KIAA1958: variants seen among roughly 807,000 people sequenced by gnomAD.
The protein encoded by KIAA1958 is KIAA1958, also known as uncharacterized protein KIAA1958.
In KIAA1958, 14 loss-of-function variants were observed where a neutral mutation model predicts 47.2. The observed-to-expected ratio is 0.30, with a 90% CI of 0.20 to 0.46. The LOEUF is 0.46. Among genes scored for constraint, KIAA1958 ranks in the 20% least tolerant of loss-of-function variants. The pLI, the probability that KIAA1958 is intolerant of heterozygous loss-of-function variation, is 1.00. For synonymous variants in KIAA1958, 354 were observed against 353.3 expected, an observed-to-expected ratio of 1.00 and a Z score of -0.02; for missense variants, 803 against 909.2, an observed-to-expected ratio of 0.88 and a Z score of 1.50.
intron 2 of KIAA1958, among the ~76,000 whole-genome samples, chr9:112,588,908 A>G (rs1835872804): frequency 6.6e-6 from 1 of 151,854 alleles, no homozygotes; most frequent in Non-Finnish European, 1.5e-5. Flanking sequence ...TAACTTTTGG[A>G]GTCCTTAAAT....
At chr9:112,630,143 A>G (rs540156252) in intron 2 of KIAA1958, among the ~76,000 whole-genome samples, 1 of 152,300 alleles carries the variant, frequency 6.6e-6, no homozygotes, top group African/African-American at 2.4e-5. Context: ...AACACAGATC[A>G]TAGGGTAGCA....
At chr9:112,559,873 A>G (rs922334155) in intron 1 of KIAA1958, among the ~76,000 whole-genome samples, 6 of 152,210 alleles carry the variant, frequency 3.9e-5, no homozygotes, top group East Asian at 1.9e-4. Context: ...TTAAAATGTG[A>G]TGGAATAATA....
intron 1 of KIAA1958, among the ~76,000 whole-genome samples, chr9:112,570,261 C>A (rs1032915921): frequency 6.6e-6 from 1 of 152,148 alleles, no homozygotes; most frequent in African/African-American, 2.4e-5. Flanking sequence ...TTGTTGAATT[C>A]TTTTTATTTT....
chr9:112,625,354 G>A (rs1242093879), intron 2 of KIAA1958, among the ~76,000 whole-genome samples: 2 of 152,036 alleles, frequency 1.3e-5, no homozygotes, highest in South Asian at 2.1e-4. Flanking sequence ...GGATCTCACT[G>A]TGTTGCCCAG....
intron 2 of KIAA1958, among the ~76,000 whole-genome samples, chr9:112,599,042 T>G (rs1476667714): frequency 6.6e-6 from 1 of 152,120 alleles, no homozygotes; most frequent in Non-Finnish European, 1.5e-5. Flanking sequence ...GCCACTGCAC[T>G]CTACCCTTGG....
At chr9:112,629,779 A>G (rs188009847) in intron 2 of KIAA1958, among the ~76,000 whole-genome samples, 123 of 152,328 alleles carry the variant, frequency 8.1e-4, no homozygotes, top group South Asian at 4.1e-3. Flanking sequence ...TTGTTGGTAC[A>G]GCCTAAAACT....
At chr9:112,496,746 C>G (rs893275839) in intron 1 of KIAA1958, among the ~76,000 whole-genome samples, 3 of 152,104 alleles carry the variant, frequency 2.0e-5, no homozygotes, top group Admixed American at 1.3e-4. Context: ...CTCGCGTTCT[C>G]CCCCAGAAGC....
chr9:112,612,248 A>G (rs1385632815), intron 2 of KIAA1958, among the ~76,000 whole-genome samples: 2 of 150,410 alleles, frequency 1.3e-5, no homozygotes, highest in Non-Finnish European at 3.0e-5. Flanking sequence ...ATCTCTAACA[A>G]AAAAAAAACA....
At chr9:112,635,219 TG>T (rs1836784737) in intron 2 of KIAA1958, among the ~76,000 whole-genome samples, 1 of 16,348 alleles carries the variant, frequency 6.1e-5, no homozygotes, top group Non-Finnish European at 4.6e-4. Flanking sequence ...TTATTTTGTG[TG>T]TGTGTGTGTG....
chr9:112,552,321 CAG>C (rs1367909961), intron 1 of KIAA1958, among the ~76,000 whole-genome samples: 1 of 152,204 alleles, frequency 6.6e-6, no homozygotes, highest in Non-Finnish European at 1.5e-5. Flanking sequence ...GGTGGACTGA[CAG>C]AGGATTAAGA....
chr9:112,582,268 T>G (rs1835749092), intron 2 of KIAA1958, among the ~76,000 whole-genome samples: 1 of 152,214 alleles, frequency 6.6e-6, no homozygotes, highest in South Asian at 2.1e-4. Context: ...AAAGGATAAA[T>G]GCTTGAGGGG....
chr9:112,539,661 T>G (rs1428782759), intron 1 of KIAA1958, among the ~76,000 whole-genome samples: 2 of 151,962 alleles, frequency 1.3e-5, no homozygotes, highest in Admixed American at 1.3e-4. Flanking sequence ...CATTGAATTG[T>G]ACTTAAAAGT....
intron 2 of KIAA1958, among the ~76,000 whole-genome samples, chr9:112,626,934 T>G (rs1836627730): frequency 1.3e-5 from 2 of 152,242 alleles, no homozygotes; most frequent in South Asian, 4.1e-4. Flanking sequence ...ATATGTGTGT[T>G]TGTGGTGTTG....
At chr9:112,622,309 A>G (rs890617580) in intron 2 of KIAA1958, among the ~76,000 whole-genome samples, 7 of 152,230 alleles carry the variant, frequency 4.6e-5, no homozygotes, top group Admixed American at 2.6e-4. Context: ...TTTAAGATCA[A>G]TGTAATGTCA....
intron 2 of KIAA1958, among the ~76,000 whole-genome samples, chr9:112,599,486 C>G (rs908919020): frequency 1.3e-5 from 2 of 152,062 alleles, no homozygotes; most frequent in Non-Finnish European, 2.9e-5. Context: ...TCAATAAAAA[C>G]TTTTTTTCTG....
chr9:112,596,314 AT>A (rs1480400327), intron 2 of KIAA1958, among the ~76,000 whole-genome samples: 8 of 152,178 alleles, frequency 5.3e-5, no homozygotes, highest in Non-Finnish European at 1.2e-4. Flanking sequence ...TTTTTAAAAA[AT>A]AGTACCTAAA....
At chr9:112,581,931 A>G in intron 2 of KIAA1958, 2 of 236,062 alleles carry the variant, frequency 8.5e-6, no homozygotes, top group Non-Finnish European at 1.8e-5. Context: ...GTCCTGGGGG[A>G]TGCATTCAGC....
chr9:112,622,193 CT>C (rs755284708), intron 2 of KIAA1958, among the ~76,000 whole-genome samples: 1 of 152,210 alleles, frequency 6.6e-6, no homozygotes, highest in Non-Finnish European at 1.5e-5. Flanking sequence ...TGCATATATA[CT>C]TTAGCAAAAA....
At chr9:112,531,854 A>T (rs1834757531) in intron 1 of KIAA1958, among the ~76,000 whole-genome samples, 1 of 152,234 alleles carries the variant, frequency 6.6e-6, no homozygotes, top group South Asian at 2.1e-4. Flanking sequence ...GCTCATGTTG[A>T]TGTATTGAAA....
Sources: gnomAD v4.1 joint callset for allele counts (sites outside exome capture counted in the v4.1 genomes callset) on GRCh38, gnomAD v4.1.1 for gene constraint, MANE v1.5 for transcripts, NCBI Gene and HGNC (gene_info 2026-07-23, HGNC 2026-07-21) for gene names.